Variants in NUMB observed in about 807,000 individuals in gnomAD.
The protein encoded by NUMB is protein numb homolog.
NUMB carries 29 observed loss-of-function variants against 59.7 expected under a neutral mutation model. The ratio of observed to expected loss-of-function variants is 0.49; its 90% CI spans 0.36 to 0.66. The LOEUF is 0.66. NUMB is among the 30% of genes least tolerant of loss of function. The probability of loss-of-function intolerance (pLI) is 0.00; values close to 1 mark genes in which losing one functional copy is unlikely to be tolerated. For synonymous variants in NUMB, 288 were observed against 288.2 expected (o/e 1.00, Z 0.01); for missense variants, 723 against 822.0 (o/e 0.88, Z 1.47).
chr14:73,361,912 G>A lies in NUMB; in HGVS notation c.-16+4985C>T, dbSNP rs576552551. Among the ~76,000 whole-genome samples the A allele has an allele frequency of 2.6e-5, 4 of 152,102 alleles. No homozygotes were observed. In the South Asian group the frequency reaches 6.2e-4, roughly 24 times the overall value. Reference sequence around the variant, plus strand: ...GTAAATATATGTATTTCCTCAAAACGAATATACTACTGATGATAAGATGTA... The same window carrying A: ...GTAAATATATGTATTTCCTCAAAACAAATATACTACTGATGATAAGATGTA... On this transcript the variant is annotated intron_variant, in intron 3 of 12. Coordinates refer to ENST00000555238, the MANE Select transcript of NUMB (RefSeq NM_001005743.2).
chr14:73,352,538 T>TG (rs1424230579), intron 4 of NUMB, among the ~76,000 whole-genome samples: 1 of 77,298 alleles, frequency 1.3e-5, no homozygotes, highest in Non-Finnish European at 2.7e-5. Flanking sequence ...ATGTTTTTTT[T>TG]TTTTTTTTTT....
At chr14:73,346,373 G>A (rs1015109554) in intron 4 of NUMB, among the ~76,000 whole-genome samples, 11 of 151,590 alleles carry the variant, frequency 7.3e-5, no homozygotes, top group Admixed American at 2.0e-4. Flanking sequence ...CCAACTACTC[G>A]GGAGGCTGAG....
At chr14:73,401,310 G>A (rs913470170) in intron 2 of NUMB, among the ~76,000 whole-genome samples, 1 of 151,962 alleles carries the variant, frequency 6.6e-6, no homozygotes, top group African/African-American at 2.4e-5. Flanking sequence ...GGGTTTGTGG[G>A]GGCAACAGGT....
intron 4 of NUMB, among the ~76,000 whole-genome samples, chr14:73,352,447 C>T (rs1454749615): frequency 8.3e-5 from 4 of 48,338 alleles, no homozygotes; most frequent in Admixed American, 2.2e-4. Flanking sequence ...CACACACACA[C>T]ACACACACAC....
chr14:73,297,354 A>G (rs1161464878), intron 6 of NUMB, 69 bp from the exon 7 acceptor site: 1 of 950,050 alleles, frequency 1.1e-6, no homozygotes, highest in East Asian at 2.4e-5. Context: ...GTCATCTTCC[A>G]CAGAAAACAC....
chr14:73,395,698 G>A (rs181207603), intron 2 of NUMB, among the ~76,000 whole-genome samples: 26 of 150,418 alleles, frequency 1.7e-4, no homozygotes, highest in Middle Eastern at 3.4e-3. Flanking sequence ...CCAGAGATGA[G>A]GAATGAAACA....
intron 2 of NUMB, among the ~76,000 whole-genome samples, chr14:73,387,745 A>C (rs565281264): frequency 1.4e-4 from 21 of 149,978 alleles, no homozygotes; most frequent in Non-Finnish European, 2.8e-4. Context: ...AAAAAAAAAA[A>C]CAAAAACAAA....
chr14:73,414,115 C>T (rs547695419), intron 1 of NUMB, among the ~76,000 whole-genome samples: 5 of 152,094 alleles, frequency 3.3e-5, no homozygotes, highest in African/African-American at 7.2e-5. Context: ...CCACCACACT[C>T]GGCTAATATT....
intron 4 of NUMB, among the ~76,000 whole-genome samples, chr14:73,325,885 AGG>A (rs1891636222): frequency 2.6e-5 from 4 of 152,202 alleles, no homozygotes; most frequent in Non-Finnish European, 5.9e-5. Context: ...CCTCTAAGGC[AGG>A]GGGAACTGCC....
chr14:73,340,700 CA>C (rs1413982523), intron 4 of NUMB, among the ~76,000 whole-genome samples: 1 of 152,156 alleles, frequency 6.6e-6, no homozygotes, highest in Non-Finnish European at 1.5e-5. Context: ...CTATACTAAA[CA>C]ATATTAAAAG....
chr14:73,428,849 G>C (rs1006754085), intron 1 of NUMB, among the ~76,000 whole-genome samples: 1 of 152,084 alleles, frequency 6.6e-6, no homozygotes, highest in Non-Finnish European at 1.5e-5. Flanking sequence ...AACATTTTCT[G>C]AGATATTTCC....
intron 11 of NUMB, among the ~76,000 whole-genome samples, chr14:73,279,880 G>A (rs1313333640): frequency 6.6e-6 from 1 of 152,246 alleles, no homozygotes; most frequent in African/African-American, 2.4e-5. Context: ...AAATAGGCCA[G>A]GTGTGGTGGC....
chr14:73,353,106 C>T, intron 4 of NUMB, among the ~76,000 whole-genome samples: 1 of 16,022 alleles, frequency 6.2e-5, no homozygotes, highest in Admixed American at 1.7e-3. Flanking sequence ...TTTTTTGAGA[C>T]AGAGTCTCAC....
intron 1 of NUMB, among the ~76,000 whole-genome samples, chr14:73,413,453 T>C (rs1896983407): frequency 6.6e-6 from 1 of 151,858 alleles, no homozygotes; most frequent in Admixed American, 6.6e-5. Flanking sequence ...TTCTAATGAT[T>C]TGATTCTTTT....
At chr14:73,331,833 G>A (rs61985767) in intron 4 of NUMB, among the ~76,000 whole-genome samples, 23,767 of 152,048 alleles carry the variant, frequency 0.16, 2,687 homozygotes, top group Non-Finnish European at 0.23. Flanking sequence ...CAAGTTTCCT[G>A]AGGCCTCCCC....
At chr14:73,404,393 A>G (rs1013443137) in intron 2 of NUMB, among the ~76,000 whole-genome samples, 1 of 152,174 alleles carries the variant, frequency 6.6e-6, no homozygotes, top group Non-Finnish European at 1.5e-5. Context: ...AATAGTTTGC[A>G]TTCAATAATA....
In NUMB at chr14:73,398,413, A is replaced by AGTGTGTGT. The variant is rs1452367894; in HGVS notation, c.-101+11523_-101+11524insACACACAC. Among the ~76,000 whole-genome samples, 498 of 117,736 alleles carry AGTGTGTGT rather than the reference A, an allele frequency of 4.2e-3. 4 individuals carry two copies. In the East Asian group the frequency reaches 0.052, roughly 12 times the overall value. 77.2% of individuals were successfully genotyped at this position (117,736 alleles called of 152,430 possible). A position where few individuals can be genotyped will look rare whatever the true frequency, so the allele number is the denominator to read the frequency against. On this transcript the variant is annotated intron_variant, in intron 2 of 12. Coordinates refer to ENST00000555238, the MANE Select transcript of NUMB (RefSeq NM_001005743.2). The stretch of plus-strand genomic sequence containing the variant: ...CACACAGAGAGAGAGAGAGAGAGAG[A>AGTGTGTGT]GAGTGTGTGTGTGTGTGTGTGTGTG...
In NUMB at chr14:73,385,495, C is replaced by CTTTTTTTTTTTTTTTTTTTTTTTTTT. The variant is rs1566773092; in HGVS notation, c.-100-18515_-100-18514insAAAAAAAAAAAAAAAAAAAAAAAAAA. On this transcript the variant is annotated intron_variant, in intron 2 of 12. Transcript: ENST00000555238. ...CAAAATAGCTACATATGGCTAGTGG[C>CTTTTTTTTTTTTTTTTTTTTTTTTTT]CTTTTTTTTTTTTTTTTTTTTTTTG... Among the ~76,000 whole-genome samples, 2 of 67,546 alleles carry CTTTTTTTTTTTTTTTTTTTTTTTTTT rather than the reference C, an allele frequency of 3.0e-5. 1 individual carries two copies. The highest frequency in any genetic ancestry group is 1.5e-4 in the African/African-American group (2 of 13,586). 44.3% of individuals were successfully genotyped at this position (67,546 alleles called of 152,430 possible).
At chr14:73,385,783 T>G (rs910828307) in intron 2 of NUMB, among the ~76,000 whole-genome samples, 1 of 152,150 alleles carries the variant, frequency 6.6e-6, no homozygotes, top group East Asian at 1.9e-4. Context: ...ATTACAGGCA[T>G]GAGCCATCGT....
Sources: gnomAD v4.1 joint callset for allele counts (sites outside exome capture counted in the v4.1 genomes callset) on GRCh38, gnomAD v4.1.1 for gene constraint, MANE v1.5 for transcripts, NCBI Gene and HGNC (gene_info 2026-07-23, HGNC 2026-07-21) for gene names.